Variants in ZXDC observed in about 807,000 individuals in gnomAD.
ZXDC encodes the protein ZXD family zinc finger C.
Under a neutral mutation model 63.6 loss-of-function variants are expected in ZXDC, and 58 were observed. That is an observed-to-expected ratio of 0.91 (90% CI 0.74 to 1.13). The LOEUF is 1.13. Ranked by LOEUF, ZXDC falls within the 50% of genes most tolerant of loss-of-function variation. ZXDC has a pLI of 0.00. For synonymous variants in ZXDC, 561 were observed against 496.1 expected (o/e 1.13, Z -1.74); for missense variants, 1,133 against 1,148.9 (o/e 0.99, Z 0.20).
rs567381900 is a variant in ZXDC, at chr3:126,438,341, C to T, written c.*34G>A. The T allele has an allele frequency of 4.8e-5, 76 of 1,578,338 alleles. No homozygotes were observed. In the East Asian group the frequency reaches 1.4e-3, roughly 30 times the overall value. On this transcript the variant is annotated 3_prime_UTR_variant, in exon 10 of 10. Coordinates refer to ENST00000389709, the MANE Select transcript of ZXDC (RefSeq NM_025112.5). ...GTCTCAGGGAAGGTGTGTCCTAGAC[C>T]GTGGCCTTGGGCCTGCCCAGGCCGA...
intron 8 of ZXDC, 70 bp downstream of exon 8, chr3:126,441,695 C>T: frequency 6.8e-7 from 1 of 1,473,094 alleles, no homozygotes; most frequent in Admixed American, 2.4e-5. Context: ...CAGCATGCCG[C>T]ACACTGCTCA....
intron 8 of ZXDC, chr3:126,440,476 T>C: frequency 2.0e-6 from 2 of 985,352 alleles, no homozygotes; most frequent in Non-Finnish European, 2.4e-6. Context: ...CAAACCCAGG[T>C]TTAATCAGGC....
Position 126,447,100 on chromosome 3 carries a change from G to A in ZXDC, c.2213-5154C>T, listed in dbSNP as rs563091860. Among the ~76,000 whole-genome samples, 13 of 152,332 alleles carry A rather than the reference G, an allele frequency of 8.5e-5. No individual in the cohort carries two copies. In the South Asian group the frequency reaches 1.2e-3, roughly 15 times the overall value. On this transcript the variant is annotated intron_variant, in intron 7 of 9. Transcript: ENST00000389709. The stretch of plus-strand genomic sequence containing the variant: ...GGCATCTGGCAGGCCCTGAGTACCC[G>A]ACTGCCTCCTCCCATCTCACAGCCT...
chr3:126,471,301 G>C (rs1027579771), intron 3 of ZXDC, among the ~76,000 whole-genome samples: 1 of 152,138 alleles, frequency 6.6e-6, no homozygotes, highest in African/African-American at 2.4e-5. Flanking sequence ...GAACAGTGGA[G>C]TCCCAAATGT....
At chr3:126,474,130 T>A (rs1188378622) in intron 1 of ZXDC, among the ~76,000 whole-genome samples, 6 of 149,922 alleles carry the variant, frequency 4.0e-5, no homozygotes, top group African/African-American at 1.5e-4. Flanking sequence ...AGTGGCGCGA[T>A]CTCGGCTCAC....
chr3:126,451,133 C>T (rs1934085950), intron 7 of ZXDC: 1 of 985,464 alleles, frequency 1.0e-6, no homozygotes, highest in African/African-American at 1.7e-5. Flanking sequence ...TTGATGGTAG[C>T]TCCATCTTCA....
chr3:126,445,917 A>T (rs777828626), intron 7 of ZXDC, among the ~76,000 whole-genome samples: 1 of 152,226 alleles, frequency 6.6e-6, no homozygotes, highest in Non-Finnish European at 1.5e-5. Flanking sequence ...CTAAGCAAGT[A>T]TGTTTATCTA....
chr3:126,438,734 A>T (rs1933557865), intron 9 of ZXDC, among the ~76,000 whole-genome samples: 1 of 152,220 alleles, frequency 6.6e-6, no homozygotes, highest in South Asian at 2.1e-4. Context: ...AAACAAAATC[A>T]TCTTTACTTC....
chr3:126,439,841 C>G, intron 8 of ZXDC, 114 bp from the exon 9 acceptor site: 4 of 1,454,992 alleles, frequency 2.7e-6, no homozygotes, highest in African/African-American at 2.8e-5. Context: ...CAGCCCACCC[C>G]CTGTATTCCA....
chr3:126,472,646 G>A (rs1935025454), intron 1 of ZXDC, among the ~76,000 whole-genome samples: 1 of 152,122 alleles, frequency 6.6e-6, no homozygotes. Context: ...CCCCATGAGA[G>A]AAATCAAATA....
chr3:126,454,104 T>C, intron 7 of ZXDC: 3 of 937,100 alleles, frequency 3.2e-6, no homozygotes, highest in Non-Finnish European at 2.5e-6. Context: ...GTTTTCCTGA[T>C]GCCCTAATTT....
chr3:126,464,623 G>C (rs1395552785), intron 5 of ZXDC, among the ~76,000 whole-genome samples: 1 of 152,122 alleles, frequency 6.6e-6, no homozygotes, highest in Non-Finnish European at 1.5e-5. Context: ...TAAGGAAAGT[G>C]CATCTAGTAT....
chr3:126,450,974 G>T, intron 7 of ZXDC: 1 of 252,914 alleles, frequency 4.0e-6, no homozygotes, highest in Non-Finnish European at 6.2e-6. Context: ...AGGGAGGTAG[G>T]CACACACTTA....
At chr3:126,462,381 C>T (rs1295882607) in intron 5 of ZXDC, among the ~76,000 whole-genome samples, 161 bp from the exon 6 acceptor site, 9 of 152,144 alleles carry the variant, frequency 5.9e-5, no homozygotes, top group Non-Finnish European at 7.3e-5. Flanking sequence ...CATGGCCGGT[C>T]GCTCAGGGCA....
At chr3:126,456,152 C>T (rs1250785999) in intron 7 of ZXDC, among the ~76,000 whole-genome samples, 1 of 152,180 alleles carries the variant, frequency 6.6e-6, no homozygotes, top group Admixed American at 6.5e-5. Flanking sequence ...GGCAAAAAGC[C>T]CCTGCTGAGT....
chr3:126,453,100 A>G, intron 7 of ZXDC: 1 of 985,440 alleles, frequency 1.0e-6, no homozygotes, highest in Non-Finnish European at 1.2e-6. Flanking sequence ...TTTACTGCAC[A>G]AATTCCACAA....
Position 126,474,983 on chromosome 3 carries a change from G to C in ZXDC, c.883C>G (p.Arg295Gly). 1 of 1,589,352 alleles carries C rather than the reference G, an allele frequency of 6.3e-7. No homozygotes were observed. Among genetic ancestry groups the C allele is most frequent in the Non-Finnish European group, 8.6e-7 (1 of 1,168,366 alleles). Residue 295 changes from arginine (R) to glycine (G), a missense_variant, in exon 1 of 10, where the codon CGC becomes GGC. Physicochemically the swap from Arg to Gly is moderately radical, Grantham distance 125 (BLOSUM62 -2). Coordinates refer to ENST00000389709, the MANE Select transcript of ZXDC (RefSeq NM_025112.5). ...SHQRSHFEPE[R>G]PYKCDFPGCE... ...CCGGGAAAGTCACACTTGTAAGGGC[G>C]CTCGGGCTCGAAGTGGCTGCGCTGG...
At position 126,459,239 on chromosome 3, in the gene ZXDC, C is replaced by T. The variant is rs1485467194; in HGVS notation, c.2212+414G>A. 3 of 985,294 alleles carry T rather than the reference C, an allele frequency of 3.0e-6. No individual in the cohort carries two copies. The East Asian group carries it at 3.4e-4, about 112-fold the overall frequency. The allele number at this position is 985,294 out of a possible 1,614,324, so 61.0% of individuals were successfully genotyped here. ...AACTCTGACAATGCCACAGGACACACAGTTTGGCTCCATGTACACGTACCT... is the reference window on the plus strand; with the variant it reads ...AACTCTGACAATGCCACAGGACACATAGTTTGGCTCCATGTACACGTACCT... On this transcript the variant is annotated intron_variant, in intron 7 of 9. Coordinates refer to ENST00000389709, the MANE Select transcript of ZXDC (RefSeq NM_025112.5).
chr3:126,464,576 G>T (rs1429634083), intron 5 of ZXDC, among the ~76,000 whole-genome samples: 3 of 152,146 alleles, frequency 2.0e-5, no homozygotes, highest in African/African-American at 7.2e-5. Flanking sequence ...GGATACATAG[G>T]TTGCTACAGA....
Sources: gnomAD v4.1 joint callset for allele counts (sites outside exome capture counted in the v4.1 genomes callset) on GRCh38, gnomAD v4.1.1 for gene constraint, MANE v1.5 for transcripts, NCBI Gene and HGNC (gene_info 2026-07-23, HGNC 2026-07-21) for gene names.